FBLN2: variants seen among roughly 807,000 people sequenced by gnomAD.
FBLN2 encodes fibulin-2.
In FBLN2, 81 loss-of-function variants were observed where a neutral mutation model predicts 123.7. The ratio of observed to expected loss-of-function variants is 0.65; its 90% CI spans 0.55 to 0.79. FBLN2 has a LOEUF of 0.79. Among genes scored for constraint, FBLN2 ranks in the 30% least tolerant of loss-of-function variants. FBLN2 has a pLI of 0.00. For missense variants in FBLN2, 1,603 were observed against 1,681.3 expected, an observed-to-expected ratio of 0.95 and a Z score of 0.81; for synonymous variants, 699 against 701.4, an observed-to-expected ratio of 1.00 and a Z score of 0.05.
Position 13,608,178 on chromosome 3 carries a change from G to C in FBLN2, c.1418+5G>C. 1 of 1,570,560 alleles carries C rather than the reference G, an allele frequency of 6.4e-7. No individual in the cohort carries two copies. The highest frequency in any genetic ancestry group is 8.6e-7 in the Non-Finnish European group (1 of 1,156,528). ...CACTGAGGACAACGTCTGCAGGTAGGGTGGGCTCCCTGGAGCAGGCGGAGC... is the reference window on the plus strand; with the variant it reads ...CACTGAGGACAACGTCTGCAGGTAGCGTGGGCTCCCTGGAGCAGGCGGAGC... On this transcript the variant is annotated splice_donor_5th_base_variant and intron_variant, in intron 3 of 17. Coordinates refer to ENST00000404922, the MANE Select transcript of FBLN2 (RefSeq NM_001004019.2).
intron 1 of FBLN2, among the ~76,000 whole-genome samples, chr3:13,562,606 TG>T (rs1206178801): frequency 6.6e-6 from 1 of 152,198 alleles, no homozygotes; most frequent in Non-Finnish European, 1.5e-5. Flanking sequence ...CCACCCGCCT[TG>T]GCCTCCCAAA....
intron 14 of FBLN2, 96 bp from the exon 15 acceptor site, chr3:13,630,603 G>T: frequency 2.0e-6 from 2 of 1,010,954 alleles, no homozygotes; most frequent in South Asian, 1.5e-5. Context: ...AGTCCAGGCC[G>T]GGGAGCTTGG....
rs373371453 is a variant in FBLN2 at position 13,608,030 on chromosome 3, A to T, written c.1307-32A>T. On this transcript the variant is annotated intron_variant, in intron 2 of 17. Coordinates refer to ENST00000404922, the MANE Select transcript of FBLN2 (RefSeq NM_001004019.2). ...ATCTGCTGGACTTGGTGACTTATGA[A>T]TGGTGACTCTGCCTCATGTTGCTAT... 11 of 1,533,058 alleles carry T rather than the reference A, an allele frequency of 7.2e-6. No individual in the cohort carries two copies. The African/African-American group carries it at 1.5e-4, about 21-fold the overall frequency. The allele number at this position is 1,533,058 out of a possible 1,614,324, so 95.0% of individuals were successfully genotyped here.
intron 4 of FBLN2, among the ~76,000 whole-genome samples, chr3:13,610,911 T>TTAG (rs1229093524): frequency 6.9e-6 from 1 of 144,418 alleles, no homozygotes; most frequent in African/African-American, 2.6e-5. Context: ...ATTATTATTA[T>TTAG]TATTATTATT....
chr3:13,552,811 G>A (rs1574937877), intron 1 of FBLN2, among the ~76,000 whole-genome samples: 1 of 152,100 alleles, frequency 6.6e-6, no homozygotes, highest in Non-Finnish European at 1.5e-5. Context: ...TGTGCCCAGG[G>A]CCTTGGATTC....
At chr3:13,608,672 A>C (rs1464613154) in intron 3 of FBLN2, among the ~76,000 whole-genome samples, 1 of 151,918 alleles carries the variant, frequency 6.6e-6, no homozygotes, top group Non-Finnish European at 1.5e-5. Flanking sequence ...CTTTATCCCC[A>C]TGCCTTCCCT....
intron 2 of FBLN2, among the ~76,000 whole-genome samples, chr3:13,602,713 AG>A (rs1243319610): frequency 2.0e-5 from 3 of 152,192 alleles, no homozygotes; most frequent in African/African-American, 7.2e-5. Context: ...ATGGGGGTAT[AG>A]GAAAGCCACT....
At chr3:13,629,709 T>C in intron 13 of FBLN2, 111 bp from the exon 14 acceptor site, 2 of 1,409,690 alleles carry the variant, frequency 1.4e-6, no homozygotes, top group Non-Finnish European at 1.9e-6. Flanking sequence ...TGTCTTTCCT[T>C]CTGGGTCCCT....
intron 9 of FBLN2, among the ~76,000 whole-genome samples, chr3:13,624,789 CAG>C (rs1229199489): frequency 3.0e-4 from 46 of 152,268 alleles, no homozygotes; most frequent in African/African-American, 1.1e-3. Flanking sequence ...GAGCCTAGCA[CAG>C]AGTTATGTGT....
intron 2 of FBLN2, among the ~76,000 whole-genome samples, chr3:13,594,374 G>A (rs1704776376): frequency 6.6e-6 from 1 of 152,064 alleles, no homozygotes; most frequent in Non-Finnish European, 1.5e-5. Context: ...GCTGTGATGG[G>A]CTTCTTTCTG....
At chr3:13,584,446 G>A (rs1704433646) in intron 2 of FBLN2, among the ~76,000 whole-genome samples, 1 of 152,230 alleles carries the variant, frequency 6.6e-6, no homozygotes, top group South Asian at 2.1e-4. Context: ...GAGCTGGTGG[G>A]ATCAGTGTCA....
At chr3:13,580,347 C>T (rs1704284470) in intron 2 of FBLN2, among the ~76,000 whole-genome samples, 2 of 152,178 alleles carry the variant, frequency 1.3e-5, no homozygotes, top group African/African-American at 4.8e-5. Context: ...CACCTGCAGT[C>T]ATGAGAATGT....
intron 1 of FBLN2, among the ~76,000 whole-genome samples, chr3:13,564,699 C>T (rs1392929336): frequency 6.6e-6 from 1 of 152,124 alleles, no homozygotes; most frequent in Non-Finnish European, 1.5e-5. Flanking sequence ...TGTGTGCTCA[C>T]TAAGGTGGGA....
chr3:13,552,678 T>C (rs1703356861), intron 1 of FBLN2, among the ~76,000 whole-genome samples: 1 of 151,912 alleles, frequency 6.6e-6, no homozygotes, highest in Non-Finnish European at 1.5e-5. Flanking sequence ...AGCAGTGGGT[T>C]TGTGGCTTCA....
Position 13,637,585 on chromosome 3 carries a change from A to G in FBLN2, c.3362A>G (p.His1121Arg), listed in dbSNP as rs752748775. The G allele has an allele frequency of 7.4e-6, 12 of 1,610,880 alleles. No homozygotes were observed. Among genetic ancestry groups the G allele is most frequent in the Non-Finnish European group, 1.0e-5 (12 of 1,177,702 alleles). ...AGGAAGTGCGAGCGCACCACGTGCC[A>G]TGACTTCCTGGAGTGCCAGAACTCG... ...SKTKCERTTC[H>R]DFLECQNSPA... The change falls in exon 18 of 18, where the codon CAT becomes CGT. Residue 1121 changes from histidine to arginine, a missense_variant. By Grantham distance (29) the His-to-Arg change is conservative. Coordinates refer to ENST00000404922, the MANE Select transcript of FBLN2 (RefSeq NM_001004019.2).
chr3:13,560,703 C>T (rs1003900670), intron 1 of FBLN2, among the ~76,000 whole-genome samples: 2 of 152,292 alleles, frequency 1.3e-5, no homozygotes, highest in East Asian at 1.9e-4. Flanking sequence ...TTGTGAGTTT[C>T]GAATCATTTC....
rs756198184 is a variant in FBLN2, at chr3:13,630,769, C to T, written c.3039C>T (p.Tyr1013=). The change falls in exon 15 of 18, where the codon TAC becomes TAT. Residue 1013 remains tyrosine (Y), a synonymous_variant. Coordinates refer to ENST00000404922, the MANE Select transcript of FBLN2 (RefSeq NM_001004019.2). ...CANIYGSYQC[Y]CRQGYQLAED... is the part of the protein sequence containing the mutation. ...ACATCTATGGCTCCTACCAGTGCTA[C>T]TGCCGCCAGGGCTACCAGCTGGCTG... The T allele has an allele frequency of 1.9e-6, 3 of 1,609,540 alleles. No homozygotes were observed. The highest frequency in any genetic ancestry group is 1.3e-5 in the African/African-American group (1 of 74,884).
Position 13,606,777 on chromosome 3 carries a change from G to A in FBLN2, c.1307-1285G>A, listed in dbSNP as rs577734305. ...AGTGATTCTCCTGCCTCAGCCTCCC[G>A]AGTAGCTGGGTTTACAGGCATGCGC... On this transcript the variant is annotated intron_variant, in intron 2 of 17. Transcript: ENST00000404922. Among the ~76,000 whole-genome samples the A allele has an allele frequency of 4.2e-4, 64 of 151,904 alleles. 1 individual carries two copies. Among genetic ancestry groups the A allele is most frequent in the African/African-American group, 1.4e-3 (58 of 41,414 alleles).
At chr3:13,592,008 C>T (rs1286601156) in intron 2 of FBLN2, among the ~76,000 whole-genome samples, 1 of 150,982 alleles carries the variant, frequency 6.6e-6, no homozygotes, top group East Asian at 1.9e-4. Context: ...CTGTTTCTGG[C>T]CTCTCTTTTC....
Sources: gnomAD v4.1 joint callset for allele counts (sites outside exome capture counted in the v4.1 genomes callset) on GRCh38, gnomAD v4.1.1 for gene constraint, MANE v1.5 for transcripts, NCBI Gene and HGNC (gene_info 2026-07-23, HGNC 2026-07-21) for gene names.